PSMC2: variants seen among roughly 807,000 people sequenced by gnomAD.
The protein encoded by PSMC2 is proteasome 26S subunit, ATPase 2.
In PSMC2, 7 loss-of-function variants were observed where a neutral mutation model predicts 53.3. The observed-to-expected ratio is 0.13, with a 90% confidence interval of 0.07 to 0.25. The LOEUF (loss-of-function observed/expected upper bound fraction) is 0.25. Ranked by LOEUF, PSMC2 falls within the 10% of genes least tolerant of loss-of-function variation. The probability of loss-of-function intolerance (pLI) is 1.00; values close to 1 mark genes in which losing one functional copy is unlikely to be tolerated. For missense variants in PSMC2, 241 were observed against 544.0 expected, an observed-to-expected ratio of 0.44 and a Z score of 5.54; for synonymous variants, 169 against 183.9, an observed-to-expected ratio of 0.92 and a Z score of 0.66.
At chr7:103,357,910 C>T (rs183712491) in intron 4 of PSMC2, among the ~76,000 whole-genome samples, 26 of 152,220 alleles carry the variant, frequency 1.7e-4, no homozygotes, top group Admixed American at 1.3e-3. Context: ...GGTGTTCTCT[C>T]GGTTTCATTT....
At chr7:103,364,906 C>A (rs746722111) in intron 8 of PSMC2, among the ~76,000 whole-genome samples, 18 of 147,728 alleles carry the variant, frequency 1.2e-4, no homozygotes, top group Non-Finnish European at 2.2e-4. Context: ...GCAGTGTTTT[C>A]AGTCCTAATG....
chr7:103,364,985 T>TATATATATATATATATATATATA (rs1820631473), intron 8 of PSMC2, among the ~76,000 whole-genome samples: 3 of 55,612 alleles, frequency 5.4e-5, no homozygotes, highest in Non-Finnish European at 8.0e-5. Context: ...ATATATATAT[T>TATATATATATATATATATATATA]TAGAGAATAA....
In PSMC2 at chr7:103,367,978, T is replaced by G; in HGVS notation, c.1226T>G (p.Phe409Cys). Residue 409 changes from phenylalanine to cysteine, a missense_variant, in exon 12 of 12, where the codon TTC (phenylalanine) becomes TGC (cysteine). Coordinates refer to ENST00000292644, the MANE Select transcript of PSMC2 (RefSeq NM_002803.4). The surrounding 1 kb of genome is among the most constrained non-coding windows in gnomAD (Gnocchi z 6.1). ...CGAAAAATTGCTACCGAGAAGGATT[T>G]CTTGGAAGCTGTAAATAAGGTCATT... The part of the protein sequence containing the change: ...ARRKIATEKD[F>C]LEAVNKVIKS... The G allele has an allele frequency of 6.2e-7, 1 of 1,614,192 alleles. No individual in the cohort carries two copies. Among genetic ancestry groups the G allele is most frequent in the Non-Finnish European group, 8.5e-7 (1 of 1,180,024 alleles).
intron 8 of PSMC2, among the ~76,000 whole-genome samples, chr7:103,364,958 C>CATATATATATATATATATATATATATAT (rs59914167): frequency 2.9e-4 from 37 of 125,470 alleles, no homozygotes; most frequent in Non-Finnish European, 3.5e-4. Context: ...TGTAGACATA[C>CATATATATATATATATATATATATATAT]ATATATATAT....
chr7:103,352,215 T>TAAAAAAAAAAAAAAAA (rs769618353), intron 1 of PSMC2, among the ~76,000 whole-genome samples: 1 of 40,608 alleles, frequency 2.5e-5, no homozygotes. Context: ...CATACTTAGT[T>TAAAAAAAAAAAAAAAA]AAAAAAAAAA....
intron 4 of PSMC2, among the ~76,000 whole-genome samples, chr7:103,361,336 TAAA>T (rs1170508055): frequency 2.5e-5 from 3 of 120,810 alleles, no homozygotes; most frequent in Non-Finnish European, 5.3e-5. Flanking sequence ...CCCTCTCTAC[TAAA>T]AAAAAAAAAA....
At chr7:103,351,102 G>A (rs1378103810) in intron 1 of PSMC2, among the ~76,000 whole-genome samples, 1 of 152,064 alleles carries the variant, frequency 6.6e-6, no homozygotes, top group Non-Finnish European at 1.5e-5. Context: ...TTAACCTCAA[G>A]CTAGCATCTG....
At chr7:103,353,362 G>A (rs1279774687) in intron 1 of PSMC2, among the ~76,000 whole-genome samples, 2 of 151,922 alleles carry the variant, frequency 1.3e-5, no homozygotes, top group Non-Finnish European at 2.9e-5. Flanking sequence ...GCTGGAGTGC[G>A]GTGATGTGAT....
chr7:103,368,142 G>T lies in PSMC2; in HGVS notation c.*88G>T. The stretch of plus-strand genomic sequence containing the variant: ...TAACCAATTCATAAACAAATAAATG[G>T]CTTCAAAATTGTATGCTTTTTTCCA... On this transcript the variant is annotated 3_prime_UTR_variant, in exon 12 of 12. Transcript: ENST00000292644. 1 of 1,193,854 alleles carries T rather than the reference G, an allele frequency of 8.4e-7. No individual in the cohort carries two copies. Among genetic ancestry groups the T allele is most frequent in the South Asian group, 1.8e-5 (1 of 54,990 alleles). The allele number at this position is 1,193,854 out of a possible 1,614,324, so 74.0% of individuals were successfully genotyped here. A position where few individuals can be genotyped will look rare whatever the true frequency, so the allele number is the denominator to read the frequency against.
At position 103,347,926 on chromosome 7, in the gene PSMC2, A is replaced by G. The variant is rs1279983776; in HGVS notation, c.70+145A>G. The G allele has an allele frequency of 2.5e-5, 20 of 813,276 alleles. No homozygotes were observed. In the Admixed American group the frequency reaches 2.9e-4, roughly 12 times the overall value. 50.4% of individuals were successfully genotyped at this position (813,276 alleles called of 1,614,324 possible). A position where few individuals can be genotyped will look rare whatever the true frequency, so the allele number is the denominator to read the frequency against. On this transcript the variant is annotated intron_variant, in intron 1 of 11. Transcript: ENST00000292644. ...GTAATTTAGTCTGGACACCGGCCGG[A>G]TTAACTTGCCTGCCTTCTCAGTCTC...
intron 4 of PSMC2, among the ~76,000 whole-genome samples, chr7:103,361,446 G>T (rs1820399500): frequency 6.8e-6 from 1 of 146,432 alleles, no homozygotes; most frequent in Non-Finnish European, 1.5e-5. Flanking sequence ...AGAGGTGGAG[G>T]TTGCAGTGAG....
At chr7:103,348,664 C>G (rs953294179) in intron 1 of PSMC2, 2 of 1,571,010 alleles carry the variant, frequency 1.3e-6, no homozygotes, top group Admixed American at 1.7e-5. Flanking sequence ...TCGCTCTTGT[C>G]GCGTCTGTTC....
At position 103,368,121 on chromosome 7, in the gene PSMC2, C is replaced by A; in HGVS notation, c.*67C>A. 7.3e-7 allele frequency: 1 copy of A among 1,369,126 alleles called. No individual in the cohort carries two copies. Among genetic ancestry groups the A allele is most frequent in the Non-Finnish European group, 9.9e-7 (1 of 1,011,372 alleles). 84.8% of individuals were successfully genotyped at this position (1,369,126 alleles called of 1,614,324 possible). On this transcript the variant is annotated 3_prime_UTR_variant, in exon 12 of 12. Coordinates refer to ENST00000292644, the MANE Select transcript of PSMC2 (RefSeq NM_002803.4). ...AACCTTATATAGACTTGTTAATAAC[C>A]AATTCATAAACAAATAAATGGCTTC...
intron 1 of PSMC2, chr7:103,352,680 C>T: frequency 1.7e-6 from 1 of 575,910 alleles, no homozygotes. Flanking sequence ...AAGTGTGAGC[C>T]ACAGCATCCG....
intron 4 of PSMC2, among the ~76,000 whole-genome samples, chr7:103,358,167 T>G (rs1244422622): frequency 6.6e-6 from 1 of 152,196 alleles, no homozygotes; most frequent in Non-Finnish European, 1.5e-5. Flanking sequence ...CCCTTCAAAA[T>G]TTTGAAGGCG....
intron 4 of PSMC2, among the ~76,000 whole-genome samples, chr7:103,357,791 CTG>C (rs1820123393): frequency 6.6e-6 from 1 of 152,040 alleles, no homozygotes; most frequent in Non-Finnish European, 1.5e-5. Flanking sequence ...GCCTGGTTTT[CTG>C]TGCATATATT....
chr7:103,350,598 C>G (rs1409929292), intron 1 of PSMC2, among the ~76,000 whole-genome samples: 1 of 152,146 alleles, frequency 6.6e-6, no homozygotes, highest in Non-Finnish European at 1.5e-5. Flanking sequence ...AAACCATTCT[C>G]CTGCCTCAGC....
intron 1 of PSMC2, among the ~76,000 whole-genome samples, chr7:103,352,110 T>C (rs1586134208): frequency 1.3e-5 from 2 of 150,340 alleles, no homozygotes; most frequent in East Asian, 4.0e-4. Context: ...AACCTCCATC[T>C]ACTTAATTTC....
intron 1 of PSMC2, chr7:103,353,065 C>G: frequency 5.3e-6 from 4 of 754,738 alleles, no homozygotes; most frequent in Non-Finnish European, 9.9e-6. Context: ...TAAGCAAATT[C>G]AGAAATGCAG....
Sources: allele counts gnomAD v4.1 joint callset (sites outside exome capture counted in the v4.1 genomes callset), GRCh38; gene constraint gnomAD v4.1.1; non-coding constraint Gnocchi (gnomAD v3.1); transcripts MANE v1.5; gene names NCBI Gene and HGNC (gene_info 2026-07-23, HGNC 2026-07-21).